Variants in ATF7IP2 observed in about 807,000 individuals in gnomAD.
ATF7IP2 encodes activating transcription factor 7 interacting protein 2, also known as activating transcription factor 7-interacting protein 2.
ATF7IP2 carries 42 observed loss-of-function variants against 64.2 expected under a neutral mutation model. The ratio of observed to expected loss-of-function variants is 0.65; its 90% CI spans 0.51 to 0.85. ATF7IP2 has a LOEUF of 0.85. ATF7IP2 is among the 40% of genes least tolerant of loss of function. The probability of loss-of-function intolerance (pLI) is 0.00; values close to 1 mark genes in which losing one functional copy is unlikely to be tolerated. For missense variants in ATF7IP2, 933 were observed against 784.2 expected, an observed-to-expected ratio of 1.19 and a Z score of -2.27; for synonymous variants, 308 against 272.8, an observed-to-expected ratio of 1.13 and a Z score of -1.27.
intron 1 of ATF7IP2, among the ~76,000 whole-genome samples, chr16:10,397,596 G>A (rs2047444098): frequency 6.6e-6 from 1 of 152,120 alleles, no homozygotes; most frequent in South Asian, 2.1e-4. Context: ...AAGAAAATGG[G>A]CTGGGCGTGG....
chr16:10,389,773 A>T lies in ATF7IP2; in HGVS notation c.-242+3651A>T, dbSNP rs74007075. ...TATACTATTACATTGATAAAACTTG[A>T]AAAAAGTAATGTCAGAATTCTATTA... is the stretch of plus-strand genomic sequence containing the variant. On this transcript the variant is annotated intron_variant, in intron 1 of 13. Coordinates refer to ENST00000562102, the MANE Select transcript of ATF7IP2 (RefSeq NM_001393719.1). 8.0e-3 allele frequency among the ~76,000 whole-genome samples: 1,223 copies of T among 152,334 alleles called. 18 individuals are homozygous for T. The highest frequency in any genetic ancestry group is 0.028 in the African/African-American group (1,144 of 41,570).
At chr16:10,414,315 A>T (rs1298707438) in intron 1 of ATF7IP2, among the ~76,000 whole-genome samples, 3 of 151,978 alleles carry the variant, frequency 2.0e-5, no homozygotes, top group African/African-American at 7.2e-5. Context: ...TGGATTAATT[A>T]AAAAGCCTTG....
chr16:10,451,141 C>A (rs1263859723), intron 8 of ATF7IP2, among the ~76,000 whole-genome samples: 1 of 152,158 alleles, frequency 6.6e-6, no homozygotes, highest in Admixed American at 6.5e-5. Flanking sequence ...TGAATATTGG[C>A]CCCCACTCTC....
chr16:10,416,986 A>T (rs1036348039), intron 2 of ATF7IP2, among the ~76,000 whole-genome samples: 2 of 152,226 alleles, frequency 1.3e-5, no homozygotes, highest in East Asian at 3.8e-4. Flanking sequence ...ATTATTATGC[A>T]TTGCATTTCT....
At chr16:10,462,039 C>T (rs2049390477) in intron 9 of ATF7IP2, among the ~76,000 whole-genome samples, 1 of 151,908 alleles carries the variant, frequency 6.6e-6, no homozygotes, top group African/African-American at 2.4e-5. Flanking sequence ...TTTTTCCATT[C>T]CCCATTACTT....
chr16:10,442,345 C>A (rs540899466), intron 8 of ATF7IP2, among the ~76,000 whole-genome samples: 1 of 152,290 alleles, frequency 6.6e-6, no homozygotes, highest in Non-Finnish European at 1.5e-5. Flanking sequence ...CTTGACTTTG[C>A]TGTTCTTCTT....
chr16:10,390,314 T>C (rs1026704746), intron 1 of ATF7IP2, among the ~76,000 whole-genome samples: 2 of 152,290 alleles, frequency 1.3e-5, no homozygotes, highest in African/African-American at 4.8e-5. Flanking sequence ...ACAGGAAATA[T>C]GTTATTGCTT....
intron 1 of ATF7IP2, among the ~76,000 whole-genome samples, chr16:10,388,321 C>CT (rs915983319): frequency 6.6e-6 from 1 of 152,144 alleles, no homozygotes; most frequent in African/African-American, 2.4e-5. Context: ...ATAACCATGA[C>CT]TTTTTGGAGG....
intron 1 of ATF7IP2, among the ~76,000 whole-genome samples, chr16:10,399,488 C>G (rs2141765121): frequency 6.6e-6 from 1 of 152,326 alleles, no homozygotes; most frequent in South Asian, 2.1e-4. Flanking sequence ...TGTCAAAGAT[C>G]ACTTGGCTGT....
At position 10,440,345 on chromosome 16, in the gene ATF7IP2, T is replaced by C; in HGVS notation, c.1096-19T>C. On this transcript the variant is annotated intron_variant, in intron 7 of 13. Coordinates refer to ENST00000562102, the MANE Select transcript of ATF7IP2 (RefSeq NM_001393719.1). ...TAGTACTCTGGCTTAGTATTTATTT[T>C]TTTCTCTTTTTCTTCTAGGCAAAAA... The C allele has an allele frequency of 7.6e-7, 1 of 1,316,446 alleles. No homozygotes were observed. The highest frequency in any genetic ancestry group is 1.3e-5 in the South Asian group (1 of 74,254). The allele number at this position is 1,316,446 out of a possible 1,614,324, so 81.5% of individuals were successfully genotyped here.
intron 1 of ATF7IP2, among the ~76,000 whole-genome samples, chr16:10,407,111 A>G (rs754854070): frequency 1.3e-5 from 2 of 152,234 alleles, no homozygotes; most frequent in Non-Finnish European, 2.9e-5. Flanking sequence ...TATATCAACA[A>G]AATGAAGGAC....
intron 9 of ATF7IP2, among the ~76,000 whole-genome samples, chr16:10,462,247 A>T (rs180997547): frequency 6.6e-6 from 1 of 152,056 alleles, no homozygotes; most frequent in Non-Finnish European, 1.5e-5. Context: ...GATGACTACT[A>T]TGTACCATCA....
intron 3 of ATF7IP2, among the ~76,000 whole-genome samples, chr16:10,426,926 C>T (rs1245525975): frequency 6.9e-6 from 1 of 144,828 alleles, no homozygotes; most frequent in Non-Finnish European, 1.5e-5. Context: ...GATCTCGGCT[C>T]ACTGCAACCT....
intron 1 of ATF7IP2, among the ~76,000 whole-genome samples, chr16:10,403,099 T>G (rs1286197763): frequency 6.6e-6 from 1 of 152,190 alleles, no homozygotes; most frequent in African/African-American, 2.4e-5. Context: ...TCTGTGGAGA[T>G]TAGTGATTTT....
chr16:10,421,472 G>C (rs996100676), intron 3 of ATF7IP2, among the ~76,000 whole-genome samples: 2 of 152,180 alleles, frequency 1.3e-5, no homozygotes, highest in African/African-American at 4.8e-5. Context: ...GCCTACAGCA[G>C]GTTGTATCCA....
chr16:10,457,689 G>T lies in ATF7IP2; in HGVS notation c.1352+160G>T, dbSNP rs193105846. 6.9e-3 allele frequency: 3,604 copies of T among 518,694 alleles called. 96 individuals carry two copies. The highest frequency in any genetic ancestry group is 0.063 in the African/African-American group (3,081 of 48,754). The allele number at this position is 518,694 out of a possible 1,614,324, so 32.1% of individuals were successfully genotyped here. A position where few individuals can be genotyped will look rare whatever the true frequency, so the allele number is the denominator to read the frequency against. On this transcript the variant is annotated intron_variant, in intron 9 of 13. Coordinates refer to ENST00000562102, the MANE Select transcript of ATF7IP2 (RefSeq NM_001393719.1). ...TACATATTATACTTCAGTTGTGGGG[G>T]TTTTTTTTTGGTTTTTGGGTTTTCT...
At chr16:10,411,832 C>G (rs1312976285) in intron 1 of ATF7IP2, among the ~76,000 whole-genome samples, 1 of 150,618 alleles carries the variant, frequency 6.6e-6, no homozygotes, top group African/African-American at 2.4e-5. Flanking sequence ...GTTGAATTAG[C>G]CTTGAATGAT....
At position 10,431,001 on chromosome 16, in the gene ATF7IP2, C is replaced by T. The variant is rs2048227702; in HGVS notation, c.381C>T (p.Ser127=). ...CAAGTAGAACAACAGAATCCCCCAG[C>T]AGAGTCTTCACAGAAGAGGCAAAAG... ...QKPSRTTESP[S]RVFTEEAKDS... Residue 127 remains serine (S), a synonymous_variant, in exon 5 of 14, where the codon AGC becomes AGT. Transcript: ENST00000562102. 1 of 1,614,152 alleles carries T rather than the reference C, an allele frequency of 6.2e-7. No homozygotes were observed. Among genetic ancestry groups the T allele is most frequent in the East Asian group, 2.2e-5 (1 of 44,888 alleles).
intron 13 of ATF7IP2, 40 bp downstream of exon 13, chr16:10,481,004 A>C (rs773194384): frequency 1.4e-6 from 2 of 1,429,842 alleles, no homozygotes; most frequent in Admixed American, 1.7e-5. Context: ...ATTTATTCCA[A>C]ATTGAGTGGG....
Sources: allele counts gnomAD v4.1 joint callset (sites outside exome capture counted in the v4.1 genomes callset), GRCh38; gene constraint gnomAD v4.1.1; transcripts MANE v1.5; gene names NCBI Gene and HGNC (gene_info 2026-07-23, HGNC 2026-07-21).